The following TMEM131 variants were observed in gnomAD, a reference collection of about 807,000 sequenced individuals.
TMEM131 encodes transmembrane protein 131, also known as 2610524E03Rik.
TMEM131 carries 66 observed loss-of-function variants against 211.6 expected under a neutral mutation model. That is an observed-to-expected ratio of 0.31 (90% CI 0.26 to 0.38). The LOEUF is 0.38. TMEM131 is among the 10% of genes least tolerant of loss of function. The pLI is 1.00. For synonymous variants in TMEM131, 844 were observed against 841.3 expected, an observed-to-expected ratio of 1.00 and a Z score of -0.06; for missense variants, 2,036 against 2,299.3, an observed-to-expected ratio of 0.89 and a Z score of 2.34.
At chr2:97,925,806 G>T (rs1676961694) in intron 2 of TMEM131, among the ~76,000 whole-genome samples, 2 of 151,778 alleles carry the variant, frequency 1.3e-5, no homozygotes, top group South Asian at 2.1e-4. Context: ...GATTTTTGAG[G>T]ATTAAAAAAA....
rs1021825107 is a variant in TMEM131, at chr2:97,928,368, G to A, written c.188-881C>T. Among the ~76,000 whole-genome samples the A allele has an allele frequency of 7.4e-5, 11 of 149,016 alleles. No homozygotes were observed. The South Asian group carries it at 2.3e-3, about 31-fold the overall frequency. The stretch of plus-strand genomic sequence containing the variant: ...ATAAGTGAAGCACAAATATATTTTA[G>A]GGTGGTAAAACCATTCTTTATCAAA... On this transcript the variant is annotated intron_variant, in intron 1 of 40. Transcript: ENST00000186436.
At chr2:97,885,440 C>CGCCTCG (rs70938541) in intron 4 of TMEM131, among the ~76,000 whole-genome samples, 108,293 of 150,632 alleles carry the variant, frequency 0.72, 40,338 homozygotes, top group African/African-American at 0.81. Flanking sequence ...GTGATCCGCC[C>CGCCTCG]GCCTCCCAAA....
chr2:97,863,926 C>T (rs1674165760), intron 4 of TMEM131, among the ~76,000 whole-genome samples: 1 of 152,142 alleles, frequency 6.6e-6, no homozygotes, highest in African/African-American at 2.4e-5. Flanking sequence ...TATGTACTCC[C>T]ATGTTTATTA....
At chr2:97,840,688 T>C (rs1683156599) in intron 7 of TMEM131, among the ~76,000 whole-genome samples, 1 of 151,726 alleles carries the variant, frequency 6.6e-6, no homozygotes, top group Non-Finnish European at 1.5e-5. Context: ...ACCTAAAGTA[T>C]CAAAAGGACG....
chr2:97,974,401 G>C (rs1306904547), intron 1 of TMEM131, among the ~76,000 whole-genome samples: 1 of 150,322 alleles, frequency 6.7e-6, no homozygotes, highest in East Asian at 2.1e-4. Context: ...GGGGTTGGGA[G>C]GAGGAGGAGG....
At chr2:97,860,604 A>G (rs1674028829) in intron 4 of TMEM131, among the ~76,000 whole-genome samples, 1 of 152,174 alleles carries the variant, frequency 6.6e-6, no homozygotes, top group Non-Finnish European at 1.5e-5. Flanking sequence ...CTTTTCTTCA[A>G]TTTAGTTGCT....
intron 1 of TMEM131, among the ~76,000 whole-genome samples, chr2:97,976,124 TC>T (rs1238672928): frequency 3.3e-5 from 5 of 152,022 alleles, no homozygotes; most frequent in Non-Finnish European, 7.4e-5. Flanking sequence ...ACTGAATGCT[TC>T]CCCCCTAAGA....
At chr2:97,866,875 A>T (rs1326794884) in intron 4 of TMEM131, among the ~76,000 whole-genome samples, 4 of 152,224 alleles carry the variant, frequency 2.6e-5, no homozygotes, top group Non-Finnish European at 5.9e-5. Flanking sequence ...TGGAACCATG[A>T]GTGTTTTGAA....
In TMEM131 at chr2:97,756,388, A is replaced by G. The variant is rs1678481655; in HGVS notation, c.*711T>C. 1 of 152,274 alleles carries G rather than the reference A, an allele frequency of 6.6e-6. No homozygotes were observed. Among genetic ancestry groups the G allele is most frequent in the East Asian group, 1.9e-4 (1 of 5,202 alleles). The allele number at this position is 152,274 out of a possible 1,614,324, so 9.4% of individuals were successfully genotyped here. On this transcript the variant is annotated 3_prime_UTR_variant, in exon 41 of 41. Transcript: ENST00000186436. Reference sequence around the variant, plus strand: ...AGTACAACACAAAGTTGTATTTTTAAGAAATACACATTCAATCTTGTATCT... The same window carrying G: ...AGTACAACACAAAGTTGTATTTTTAGGAAATACACATTCAATCTTGTATCT...
At chr2:97,816,362 T>C (rs757872447) in intron 12 of TMEM131, among the ~76,000 whole-genome samples, 21 of 151,940 alleles carry the variant, frequency 1.4e-4, no homozygotes, top group Non-Finnish European at 2.6e-4. Context: ...AATTAAAAAA[T>C]AAATAAATAA....
intron 1 of TMEM131, among the ~76,000 whole-genome samples, chr2:97,961,282 C>T (rs771142493): frequency 1.3e-4 from 19 of 151,980 alleles, no homozygotes; most frequent in South Asian, 1.0e-3. Flanking sequence ...AAAATACAAT[C>T]GGTTGTATAC....
chr2:97,954,855 A>C (rs1381682952), intron 1 of TMEM131, among the ~76,000 whole-genome samples: 1 of 151,542 alleles, frequency 6.6e-6, no homozygotes, highest in East Asian at 1.9e-4. Context: ...ATCTCCAAAA[A>C]AGAAATTCCC....
At chr2:97,845,236 T>C (rs1287123735) in intron 5 of TMEM131, among the ~76,000 whole-genome samples, 1 of 151,900 alleles carries the variant, frequency 6.6e-6, no homozygotes, top group African/African-American at 2.4e-5. Context: ...ACAGATAGAA[T>C]GGGAATACTG....
chr2:97,988,245 T>C (rs1186184370), intron 1 of TMEM131, among the ~76,000 whole-genome samples: 2 of 152,192 alleles, frequency 1.3e-5, no homozygotes, highest in Admixed American at 6.5e-5. Flanking sequence ...CTGGAGAAAC[T>C]GGATATCCAC....
intron 5 of TMEM131, among the ~76,000 whole-genome samples, chr2:97,851,367 G>A (rs76783713): frequency 6.6e-5 from 10 of 152,056 alleles, no homozygotes; most frequent in African/African-American, 2.4e-4. Flanking sequence ...TAGTTGCTCA[G>A]GACAAAATTC....
chr2:97,788,805 C>T (rs1177640363), intron 31 of TMEM131, among the ~76,000 whole-genome samples: 1 of 152,202 alleles, frequency 6.6e-6, no homozygotes, highest in African/African-American at 2.4e-5. Context: ...AAGTGTGGAT[C>T]AGCACCACTG....
intron 4 of TMEM131, among the ~76,000 whole-genome samples, chr2:97,871,229 C>A (rs2105223002): frequency 6.6e-6 from 1 of 152,282 alleles, no homozygotes; most frequent in South Asian, 2.1e-4. Flanking sequence ...ACTGCCTTTG[C>A]AAAATTAGAA....
chr2:97,931,179 A>G, intron 1 of TMEM131, among the ~76,000 whole-genome samples: 1 of 151,864 alleles, frequency 6.6e-6, no homozygotes, highest in East Asian at 1.9e-4. Flanking sequence ...TTTACAAAGG[A>G]AAGAAAAGGA....
intron 4 of TMEM131, among the ~76,000 whole-genome samples, chr2:97,881,180 ATCC>A (rs1360245386): frequency 6.6e-6 from 1 of 151,960 alleles, no homozygotes; most frequent in Non-Finnish European, 1.5e-5. Context: ...TTGCCGCAGT[ATCC>A]TAGGCACTGC....
Sources: allele counts gnomAD v4.1 joint callset (sites outside exome capture counted in the v4.1 genomes callset), GRCh38; gene constraint gnomAD v4.1.1; transcripts MANE v1.5; gene names NCBI Gene and HGNC (gene_info 2026-07-23, HGNC 2026-07-21).